CNTNAP2: variants seen among roughly 807,000 people sequenced by gnomAD.
The protein encoded by CNTNAP2 is contactin associated protein 2.
Under a neutral mutation model 155.2 loss-of-function variants are expected in CNTNAP2, and 98 were observed. The observed-to-expected ratio is 0.63, with a 90% CI of 0.54 to 0.75. The LOEUF (loss-of-function observed/expected upper bound fraction) is 0.75, where lower values mean the gene tolerates loss of function less well. CNTNAP2 is among the 30% of genes least tolerant of loss of function. CNTNAP2 has a pLI of 0.00. For synonymous variants in CNTNAP2, 651 were observed against 631.2 expected (o/e 1.03, Z -0.47); for missense variants, 1,727 against 1,688.1 (o/e 1.02, Z -0.40).
At chr7:147,842,236 C>T (rs1183711525) in intron 13 of CNTNAP2, among the ~76,000 whole-genome samples, 1 of 152,210 alleles carries the variant, frequency 6.6e-6, no homozygotes, top group African/African-American at 2.4e-5. Flanking sequence ...TAAGTAACAA[C>T]TGTGTGATCA....
chr7:148,323,014 A>G (rs982996293), intron 21 of CNTNAP2, among the ~76,000 whole-genome samples: 4 of 152,060 alleles, frequency 2.6e-5, no homozygotes, highest in South Asian at 4.1e-4. Context: ...AGTGGCATTC[A>G]TTTGACTAAG....
chr7:146,895,244 C>T (rs1488721672), intron 3 of CNTNAP2, among the ~76,000 whole-genome samples: 1 of 150,136 alleles, frequency 6.7e-6, no homozygotes, highest in East Asian at 2.0e-4. Flanking sequence ...TTCTTTCCTT[C>T]CTTATTCTTA....
At chr7:146,360,309 A>G (rs1795064228) in intron 1 of CNTNAP2, among the ~76,000 whole-genome samples, 1 of 152,208 alleles carries the variant, frequency 6.6e-6, no homozygotes, top group African/African-American at 2.4e-5. Context: ...TCAGTTCTAC[A>G]TCTGAGCACA....
chr7:146,797,060 C>A (rs111707958), intron 2 of CNTNAP2, among the ~76,000 whole-genome samples: 1 of 151,940 alleles, frequency 6.6e-6, no homozygotes, highest in African/African-American at 2.4e-5. Flanking sequence ...GGTGTGAACC[C>A]GGGAGGTGGA....
chr7:146,958,407 G>GT (rs71165054), intron 3 of CNTNAP2, among the ~76,000 whole-genome samples: 9,228 of 78,224 alleles, frequency 0.12, 589 homozygotes, highest in African/African-American at 0.13. Context: ...CATTTTTATG[G>GT]TTTTTTTTTT....
At chr7:147,525,070 G>T (rs1277837329) in intron 11 of CNTNAP2, among the ~76,000 whole-genome samples, 1 of 152,206 alleles carries the variant, frequency 6.6e-6, no homozygotes, top group Non-Finnish European at 1.5e-5. Context: ...TGGCATTTCT[G>T]GCAGGCATGA....
chr7:146,163,626 T>C (rs1281690671), intron 1 of CNTNAP2, among the ~76,000 whole-genome samples: 3 of 148,648 alleles, frequency 2.0e-5, no homozygotes, highest in African/African-American at 7.4e-5. Flanking sequence ...CAGACGCCTG[T>C]AATCCTGGCT....
At chr7:146,407,142 T>C (rs1000187159) in intron 1 of CNTNAP2, among the ~76,000 whole-genome samples, 2 of 152,128 alleles carry the variant, frequency 1.3e-5, no homozygotes, top group Admixed American at 6.5e-5. Context: ...AAACTGTGCT[T>C]TTCTAATTTT....
chr7:146,411,066 C>T (rs1026885570), intron 1 of CNTNAP2, among the ~76,000 whole-genome samples: 3 of 151,910 alleles, frequency 2.0e-5, no homozygotes, highest in African/African-American at 7.3e-5. Flanking sequence ...ATGCAATGAA[C>T]CTGGAAATAA....
rs1797466784 is a variant in CNTNAP2 at position 147,771,405 on chromosome 7, A to G, written c.2098+132099A>G. 2.0e-5 allele frequency among the ~76,000 whole-genome samples: 3 copies of G among 152,240 alleles called. No homozygotes were observed. The South Asian group carries it at 6.2e-4, about 31-fold the overall frequency. ...AGCTATAGAATTAAAGATATTAGCA[A>G]CATATAACTCTGACAAAGAACTCTC... On this transcript the variant is annotated intron_variant, in intron 13 of 23. Coordinates refer to ENST00000361727, the MANE Select transcript of CNTNAP2 (RefSeq NM_014141.6).
intron 4 of CNTNAP2, among the ~76,000 whole-genome samples, chr7:147,072,878 A>AGTCTTGC (rs1563066129): frequency 2.9e-5 from 3 of 104,684 alleles, no homozygotes; most frequent in Non-Finnish European, 5.2e-5. Context: ...TTTGAGATGG[A>AGTCTTGC]GTCTTGCTCT....
chr7:148,123,566 C>G (rs1033291526), intron 16 of CNTNAP2, among the ~76,000 whole-genome samples: 9 of 151,210 alleles, frequency 6.0e-5, no homozygotes, highest in Admixed American at 5.9e-4. Flanking sequence ...AGCTGTACCC[C>G]CTAGCCTGAG....
chr7:148,036,147 T>C (rs1206462247), intron 15 of CNTNAP2, among the ~76,000 whole-genome samples: 3 of 152,208 alleles, frequency 2.0e-5, no homozygotes, highest in Non-Finnish European at 4.4e-5. Context: ...GTCTCAACCA[T>C]TTCTAATTTA....
intron 1 of CNTNAP2, among the ~76,000 whole-genome samples, chr7:146,448,350 C>T (rs1035209202): frequency 4.6e-5 from 7 of 151,822 alleles, no homozygotes; most frequent in African/African-American, 1.7e-4. Context: ...AAAATATTTC[C>T]CCTATACTCT....
intron 1 of CNTNAP2, among the ~76,000 whole-genome samples, chr7:146,188,591 ACT>A (rs1472372619): frequency 6.6e-6 from 1 of 152,102 alleles, no homozygotes; most frequent in African/African-American, 2.4e-5. Context: ...TATACCTTGG[ACT>A]CATCTGATTC....
intron 3 of CNTNAP2, among the ~76,000 whole-genome samples, chr7:146,927,005 C>T (rs546745658): frequency 1.3e-5 from 2 of 152,222 alleles, no homozygotes; most frequent in South Asian, 4.1e-4. Context: ...AAACTTTCAG[C>T]AAAAAGAATG....
intron 12 of CNTNAP2, among the ~76,000 whole-genome samples, chr7:147,566,601 T>A (rs12673679): frequency 1.3e-5 from 2 of 151,956 alleles, no homozygotes; most frequent in Admixed American, 6.6e-5. Context: ...GGAGAGAGCA[T>A]GTGAAGGCAG....
chr7:148,171,372 G>C (rs1222393297), intron 17 of CNTNAP2, among the ~76,000 whole-genome samples: 1 of 152,144 alleles, frequency 6.6e-6, no homozygotes, highest in African/African-American at 2.4e-5. Flanking sequence ...GTTACTCTAA[G>C]ATGCAAGCAT....
chr7:147,397,766 C>CA (rs1251351773), intron 10 of CNTNAP2, among the ~76,000 whole-genome samples: 55 of 132,950 alleles, frequency 4.1e-4, no homozygotes, highest in Middle Eastern at 3.8e-3. Context: ...CAGAGATACA[C>CA]AAAATTTTTT....
Sources: allele counts gnomAD v4.1 joint callset (sites outside exome capture counted in the v4.1 genomes callset), GRCh38; gene constraint gnomAD v4.1.1; transcripts MANE v1.5; gene names NCBI Gene and HGNC (gene_info 2026-07-23, HGNC 2026-07-21).